The following TDRP variants were observed in gnomAD, a reference collection of about 807,000 sequenced individuals.
TDRP encodes testis development related protein, also known as testis development-related protein.
TDRP carries 12 observed loss-of-function variants against 10.5 expected under a neutral mutation model. That is an observed-to-expected ratio of 1.15 (90% CI 0.73 to 1.86). The LOEUF (loss-of-function observed/expected upper bound fraction) is 1.86. TDRP is among the 40% of genes most tolerant of loss of function. TDRP has a pLI of 0.00. For missense variants in TDRP, 353 were observed against 229.2 expected, an observed-to-expected ratio of 1.54 and a Z score of -3.49; for synonymous variants, 139 against 95.4, an observed-to-expected ratio of 1.46 and a Z score of -2.67.
intron 1 of TDRP, 69 bp from the exon 2 acceptor site, chr8:494,666 A>G: frequency 1.5e-6 from 2 of 1,360,372 alleles, no homozygotes; most frequent in East Asian, 2.3e-5. Flanking sequence ...TTCTACTCCA[A>G]TAACCATGGA....
At chr8:501,097 C>G (rs1317385112) in intron 1 of TDRP, among the ~76,000 whole-genome samples, 2 of 151,890 alleles carry the variant, frequency 1.3e-5, no homozygotes, top group Non-Finnish European at 2.9e-5. Context: ...CCCAGCTACT[C>G]TGGAGGCTGA....
At chr8:545,598 G>C (rs865871223), upstream of TDRP, 11 of 152,272 alleles carry the variant, frequency 7.2e-5, no homozygotes, top group South Asian at 2.1e-4. Context: ...CACAGTCCGC[G>C]GAGCGGCGCC....
chr8:501,099 G>A (rs568192981), intron 1 of TDRP, among the ~76,000 whole-genome samples: 92 of 152,034 alleles, frequency 6.1e-4, no homozygotes, highest in African/African-American at 2.1e-3. Context: ...CAGCTACTCT[G>A]GAGGCTGAGG....
intron 1 of TDRP, among the ~76,000 whole-genome samples, chr8:517,938 G>C (rs369888712): frequency 6.6e-6 from 1 of 152,298 alleles, no homozygotes; most frequent in Non-Finnish European, 1.5e-5. Flanking sequence ...AAGATCCGTG[G>C]TTGCAAAGGG....
intron 1 of TDRP, among the ~76,000 whole-genome samples, chr8:516,583 GACAAA>G (rs1485914293): frequency 6.6e-6 from 1 of 152,108 alleles, no homozygotes; most frequent in African/African-American, 2.4e-5. Flanking sequence ...TATCAGAACT[GACAAA>G]ACCCAGACCC....
At chr8:500,501 G>GA (rs543258247) in intron 1 of TDRP, among the ~76,000 whole-genome samples, 15 of 152,266 alleles carry the variant, frequency 9.9e-5, no homozygotes, top group Non-Finnish European at 1.5e-4. Flanking sequence ...CCTGTAATCA[G>GA]AAAAGAGATC....
intron 1 of TDRP, among the ~76,000 whole-genome samples, chr8:540,300 C>G (rs565567030): frequency 1.3e-5 from 2 of 152,090 alleles, no homozygotes; most frequent in Admixed American, 1.3e-4. Flanking sequence ...AGTACTGAAA[C>G]GGGAAGCACT....
At chr8:521,678 TTTTG>T (rs892388717) in intron 1 of TDRP, among the ~76,000 whole-genome samples, 1 of 152,150 alleles carries the variant, frequency 6.6e-6, no homozygotes, top group African/African-American at 2.4e-5. Context: ...GGCTTCCAGT[TTTTG>T]TTTTTGTTTT....
intron 1 of TDRP, among the ~76,000 whole-genome samples, chr8:503,802 C>G (rs545825894): frequency 1.4e-5 from 2 of 143,762 alleles, no homozygotes; most frequent in Non-Finnish European, 3.2e-5. Flanking sequence ...ATGCCCACCT[C>G]AGCACGCGTC....
intron 1 of TDRP, among the ~76,000 whole-genome samples, chr8:501,736 C>A (rs140125956): frequency 6.6e-6 from 1 of 152,202 alleles, no homozygotes; most frequent in African/African-American, 2.4e-5. Context: ...AATTTCTCAT[C>A]AGGAACACTG....
intron 1 of TDRP, among the ~76,000 whole-genome samples, chr8:507,371 A>T (rs1448523814): frequency 6.6e-6 from 1 of 152,124 alleles, no homozygotes; most frequent in African/African-American, 2.4e-5. Flanking sequence ...AGACAGCTGG[A>T]AGGATCCTTC....
At position 492,553 on chromosome 8, in the gene TDRP, C is replaced by A. The variant is rs1156881046; in HGVS notation, c.404G>T (p.Gly135Val). 4 of 1,612,572 alleles carry A rather than the reference C, an allele frequency of 2.5e-6. No individual in the cohort carries two copies. The highest frequency in any genetic ancestry group is 3.4e-6 in the Non-Finnish European group (4 of 1,179,144). The change falls in exon 3 of 3, where the codon GGC becomes GTC. Residue 135 changes from glycine to valine, a missense_variant. Coordinates refer to ENST00000324079, the MANE Select transcript of TDRP (RefSeq NM_001384899.1). ...DTVGGHPSWS[G>V]WEDDAKGSTK... The stretch of plus-strand genomic sequence containing the variant: ...CGAGCCCTTGGCGTCATCCTCCCAG[C>A]CTGACCAGGATGGGTGGCCACCCAC...
intron 1 of TDRP, among the ~76,000 whole-genome samples, chr8:503,807 C>T (rs1332240521): frequency 1.4e-5 from 2 of 142,690 alleles, no homozygotes; most frequent in East Asian, 2.0e-4. Context: ...CACCTCAGCA[C>T]GCGTCAATAT....
intron 1 of TDRP, among the ~76,000 whole-genome samples, chr8:531,999 G>A (rs1299105548): frequency 6.6e-6 from 1 of 152,206 alleles, no homozygotes; most frequent in East Asian, 1.9e-4. Context: ...TGCTATAGCA[G>A]AACAAAACAA....
rs772020843 is a variant in TDRP at position 544,805 on chromosome 8, T to A, written c.-48A>T. ...CTCCGTCCGTGCGTCGGGCTGTGGCTCCGCGTCCCTCCCGGCCGCCGGACG... is the reference window on the plus strand; with the variant it reads ...CTCCGTCCGTGCGTCGGGCTGTGGCACCGCGTCCCTCCCGGCCGCCGGACG... On this transcript the variant is annotated 5_prime_UTR_variant, in exon 1 of 3. Coordinates refer to ENST00000324079, the MANE Select transcript of TDRP (RefSeq NM_001384899.1). 24 of 1,184,584 alleles carry A rather than the reference T, an allele frequency of 2.0e-5. No individual in the cohort carries two copies. Among genetic ancestry groups the A allele is most frequent in the Admixed American group, 1.3e-4 (3 of 23,242 alleles). The allele number at this position is 1,184,584 out of a possible 1,614,324, so 73.4% of individuals were successfully genotyped here.
chr8:526,462 C>G (rs1033988654), intron 1 of TDRP, among the ~76,000 whole-genome samples: 2 of 152,106 alleles, frequency 1.3e-5, no homozygotes, highest in South Asian at 2.1e-4. Context: ...CAGCATCAAT[C>G]GAAATTATCA....
chr8:531,762 T>A (rs1802204814), intron 1 of TDRP, among the ~76,000 whole-genome samples: 1 of 152,186 alleles, frequency 6.6e-6, no homozygotes, highest in African/African-American at 2.4e-5. Flanking sequence ...TTAATCATCT[T>A]CAGTCCACAA....
intron 1 of TDRP, among the ~76,000 whole-genome samples, chr8:541,430 A>G (rs368838368): frequency 6.6e-6 from 1 of 152,248 alleles, no homozygotes; most frequent in Admixed American, 6.5e-5. Context: ...ATTAAAATTA[A>G]AAACTTCTGC....
At chr8:531,059 ATTCAGAATGGTGGAC>A (rs1802179483) in intron 1 of TDRP, among the ~76,000 whole-genome samples, 1 of 152,118 alleles carries the variant, frequency 6.6e-6, no homozygotes, top group African/African-American at 2.4e-5. Flanking sequence ...ACCCCCCAAA[ATTCAGAATGGTGGAC>A]TTCCTTTCTT....
Sources: gnomAD v4.1 joint callset for allele counts (sites outside exome capture counted in the v4.1 genomes callset) on GRCh38, gnomAD v4.1.1 for gene constraint, MANE v1.5 for transcripts, NCBI Gene and HGNC (gene_info 2026-07-23, HGNC 2026-07-21) for gene names.